FHIT: variants seen among roughly 807,000 people sequenced by gnomAD.
The protein encoded by FHIT is fragile histidine triad diadenosine triphosphatase, also known as bis(5'-adenosyl)-triphosphatase.
FHIT carries 19 observed loss-of-function variants against 17.9 expected under a neutral mutation model. The ratio of observed to expected loss-of-function variants is 1.06; its 90% CI spans 0.74 to 1.56. The LOEUF (loss-of-function observed/expected upper bound fraction) is 1.56, where lower values mean the gene tolerates loss of function less well. Among genes scored for constraint, FHIT ranks in the 40% most tolerant of loss-of-function variants. The probability of loss-of-function intolerance (pLI) is 0.00; values close to 1 mark genes in which losing one functional copy is unlikely to be tolerated. For missense variants in FHIT, 248 were observed against 189.2 expected (o/e 1.31, Z -1.82); for synonymous variants, 81 against 69.7 (o/e 1.16, Z -0.81).
intron 5 of FHIT, among the ~76,000 whole-genome samples, chr3:60,247,151 G>A (rs1048020357): frequency 1.3e-5 from 2 of 152,062 alleles, no homozygotes; most frequent in African/African-American, 4.8e-5. Flanking sequence ...TGGAAGGGGA[G>A]GGAGTATTCG....
chr3:60,787,689 C>T (rs182281286), intron 4 of FHIT, among the ~76,000 whole-genome samples: 101 of 152,316 alleles, frequency 6.6e-4, no homozygotes, highest in Non-Finnish European at 1.1e-3. Flanking sequence ...CATTTGTAAC[C>T]TCAACATCGA....
intron 5 of FHIT, among the ~76,000 whole-genome samples, chr3:60,385,233 T>C (rs1363782963): frequency 6.6e-6 from 1 of 152,230 alleles, no homozygotes; most frequent in Non-Finnish European, 1.5e-5. Flanking sequence ...GTAAATGTTA[T>C]GACCACCAGC....
chr3:60,581,137 C>T (rs782230902), intron 4 of FHIT, among the ~76,000 whole-genome samples: 22 of 152,098 alleles, frequency 1.4e-4, no homozygotes, highest in Non-Finnish European at 2.5e-4. Flanking sequence ...CACTCGCACA[C>T]ACATTATTTC....
At chr3:60,007,565 C>G (rs1413732328) in intron 7 of FHIT, among the ~76,000 whole-genome samples, 1 of 152,156 alleles carries the variant, frequency 6.6e-6, no homozygotes, top group Non-Finnish European at 1.5e-5. Flanking sequence ...TTTCCTTACC[C>G]ATTGCCCGGT....
chr3:61,136,897 T>A (rs1393279852), intron 2 of FHIT, among the ~76,000 whole-genome samples: 1 of 152,238 alleles, frequency 6.6e-6, no homozygotes, highest in Non-Finnish European at 1.5e-5. Flanking sequence ...ATTGCAACCA[T>A]GTGCAAAAAC....
At chr3:60,194,402 G>C (rs1330322858) in intron 5 of FHIT, among the ~76,000 whole-genome samples, 2 of 152,046 alleles carry the variant, frequency 1.3e-5, no homozygotes, top group Non-Finnish European at 2.9e-5. Context: ...GAATTAAACG[G>C]GATCCTTATC....
In FHIT at chr3:60,616,622, A is replaced by T. The variant is rs185627500; in HGVS notation, c.-17-79643T>A. The stretch of plus-strand genomic sequence containing the variant: ...AATTTAAATACTTAGGTATAAATCA[A>T]ACGTGAAAGATCTATATAAGGAAAA... On this transcript the variant is annotated intron_variant, in intron 4 of 9. Transcript: ENST00000492590. Among the ~76,000 whole-genome samples, 624 of 127,190 alleles carry T rather than the reference A, an allele frequency of 4.9e-3. 1 individual carries two copies. The highest frequency in any genetic ancestry group is 8.5e-3 in the Non-Finnish European group (468 of 55,302). 83.4% of individuals were successfully genotyped at this position (127,190 alleles called of 152,430 possible).
intron 5 of FHIT, among the ~76,000 whole-genome samples, chr3:60,486,767 G>T (rs74752353): frequency 8.7e-4 from 133 of 152,230 alleles, no homozygotes; most frequent in African/African-American, 3.0e-3. Context: ...TCTTTCAACG[G>T]ATATCCTCTC....
chr3:60,403,397 G>A (rs148696241), intron 5 of FHIT, among the ~76,000 whole-genome samples: 31 of 152,186 alleles, frequency 2.0e-4, no homozygotes, highest in Admixed American at 5.2e-4. Flanking sequence ...TGTGCACATC[G>A]CTGCTGTCAG....
chr3:60,195,574 A>ATTATAT (rs1364356326), intron 5 of FHIT, among the ~76,000 whole-genome samples: 2 of 20,646 alleles, frequency 9.7e-5, no homozygotes, highest in Admixed American at 9.9e-4. Flanking sequence ...TATTTATATA[A>ATTATAT]TTATATTTAT....
intron 3 of FHIT, among the ~76,000 whole-genome samples, chr3:60,900,319 G>A (rs1486494164): frequency 6.6e-6 from 1 of 152,050 alleles, no homozygotes; most frequent in Non-Finnish European, 1.5e-5. Flanking sequence ...TAGCTACATG[G>A]GAGGCTGAGA....
chr3:61,170,724 T>C (rs1210868625), intron 2 of FHIT, among the ~76,000 whole-genome samples: 4 of 152,246 alleles, frequency 2.6e-5, no homozygotes, highest in Non-Finnish European at 4.4e-5. Context: ...TTTGGCTGCA[T>C]AGTATTTAAT....
At chr3:61,135,345 T>G (rs9845200) in intron 2 of FHIT, among the ~76,000 whole-genome samples, 90,719 of 152,126 alleles carry the variant, frequency 0.6, 30,318 homozygotes, top group African/African-American at 0.88. Flanking sequence ...CTCCTCTAGG[T>G]CAAGGGCATA....
chr3:61,247,050 C>A (rs1002656289), intron 1 of FHIT, among the ~76,000 whole-genome samples: 21 of 151,524 alleles, frequency 1.4e-4, no homozygotes, highest in Non-Finnish European at 2.9e-5. Flanking sequence ...TTCTTCCCTG[C>A]CGAGAATATA....
At chr3:60,098,557 G>A (rs1704062028) in intron 5 of FHIT, among the ~76,000 whole-genome samples, 1 of 151,748 alleles carries the variant, frequency 6.6e-6, no homozygotes, top group African/African-American at 2.4e-5. Flanking sequence ...ACTTTTTGAT[G>A]GGGTTGTTTG....
intron 5 of FHIT, among the ~76,000 whole-genome samples, chr3:60,313,859 TGA>T (rs1709054909): frequency 6.6e-6 from 1 of 152,200 alleles, no homozygotes; most frequent in African/African-American, 2.4e-5. Context: ...AGTCTTCAAA[TGA>T]GATGTACAAT....
intron 3 of FHIT, among the ~76,000 whole-genome samples, chr3:60,975,858 T>C (rs1710209804): frequency 6.6e-6 from 1 of 152,134 alleles, no homozygotes; most frequent in Non-Finnish European, 1.5e-5. Flanking sequence ...ATAAAACATA[T>C]AATTTGACAT....
chr3:60,673,371 T>A (rs1375750481), intron 4 of FHIT, among the ~76,000 whole-genome samples: 1 of 152,154 alleles, frequency 6.6e-6, no homozygotes, highest in Non-Finnish European at 1.5e-5. Flanking sequence ...TGCAGGGGCA[T>A]GGATAGAGCT....
At chr3:60,936,521 T>C (rs1382574612) in intron 3 of FHIT, among the ~76,000 whole-genome samples, 2 of 152,212 alleles carry the variant, frequency 1.3e-5, no homozygotes, top group African/African-American at 2.4e-5. Flanking sequence ...GGTCTATTCA[T>C]TGAAAAATTA....
Sources: allele counts gnomAD v4.1 joint callset (sites outside exome capture counted in the v4.1 genomes callset), GRCh38; gene constraint gnomAD v4.1.1; transcripts MANE v1.5; gene names NCBI Gene and HGNC (gene_info 2026-07-23, HGNC 2026-07-21).